The following AVEN variants were observed in gnomAD, a reference collection of about 807,000 sequenced individuals.
AVEN encodes the protein cell death regulator Aven.
In AVEN, 41 loss-of-function variants were observed where a neutral mutation model predicts 38.1. The ratio of observed to expected loss-of-function variants is 1.08; its 90% CI spans 0.84 to 1.40. The LOEUF (loss-of-function observed/expected upper bound fraction) is 1.40, where lower values mean the gene tolerates loss of function less well. AVEN is among the 40% of genes most tolerant of loss of function. The pLI, the probability that AVEN is intolerant of heterozygous loss-of-function variation, is 0.00. For missense variants in AVEN, 605 were observed against 438.8 expected, an observed-to-expected ratio of 1.38 and a Z score of -3.38; for synonymous variants, 206 against 171.8, an observed-to-expected ratio of 1.20 and a Z score of -1.56.
Position 33,873,094 on chromosome 15 carries a change from C to CTTTT in AVEN, c.517-2068_517-2065dup, listed in dbSNP as rs34223352. ...AAAACATATTTCTACTTTTCCTTTT[C>CTTTT]TTTTTTTTTTTTTTTTTTTTTTTTT... On this transcript the variant is annotated intron_variant, in intron 3 of 5. Coordinates refer to ENST00000306730, the MANE Select transcript of AVEN (RefSeq NM_020371.3). Among the ~76,000 whole-genome samples, 315 of 85,152 alleles carry CTTTT rather than the reference C, an allele frequency of 3.7e-3. 3 individuals are homozygous for CTTTT. The highest frequency in any genetic ancestry group is 0.012 in the Middle Eastern group (1 of 84). The allele number at this position is 85,152 out of a possible 152,430, so 55.9% of individuals were successfully genotyped here.
At chr15:33,876,208 CA>C (rs1454193282) in intron 2 of AVEN, among the ~76,000 whole-genome samples, 2 of 152,000 alleles carry the variant, frequency 1.3e-5, no homozygotes, top group Non-Finnish European at 2.9e-5. Context: ...AAATGTAAGG[CA>C]AAAGGACCAA....
At position 33,926,918 on chromosome 15, in the gene AVEN, T is replaced by C. The variant is rs577564802; in HGVS notation, c.446-50923A>G. Among the ~76,000 whole-genome samples, 15 of 152,132 alleles carry C rather than the reference T, an allele frequency of 9.9e-5. No homozygotes were observed. The East Asian group carries it at 2.9e-3, about 29-fold the overall frequency. ...GGTCTGCCTGCCTCAGCCTCCCAAA[T>C]TGCTAGGATTACAGGAGTGAGCCAC... On this transcript the variant is annotated intron_variant, in intron 2 of 5. Transcript: ENST00000306730.
chr15:33,981,149 A>C (rs1896125799), intron 2 of AVEN, among the ~76,000 whole-genome samples: 1 of 152,192 alleles, frequency 6.6e-6, no homozygotes, highest in African/African-American at 2.4e-5. Flanking sequence ...AAAATATCTG[A>C]ATTAAGAAAT....
the AVEN span, chr15:33,853,432 C>A: frequency 8.0e-7 from 1 of 1,243,786 alleles, no homozygotes; most frequent in Non-Finnish European, 1.1e-6. Flanking sequence ...GCATTTTGAA[C>A]TATGTCTTCA....
chr15:34,063,405 C>A lies in AVEN; in HGVS notation n.1154G>T. On this transcript the variant is annotated non_coding_transcript_exon_variant, in exon 5 of 12. Coordinates refer to the AVEN transcript ENST00000675287. This position sits in a 1 kb window ranked among gnomAD's most constrained non-coding sequence, Gnocchi z 4.1. ...GAAGCGAACCAAGGACCTGGCTGACCTCCAGGGTTCTGACTCTGTGACCAA... is the reference window on the plus strand; with the variant it reads ...GAAGCGAACCAAGGACCTGGCTGACATCCAGGGTTCTGACTCTGTGACCAA... 1 of 1,614,046 alleles carries A rather than the reference C, an allele frequency of 6.2e-7. No individual in the cohort carries two copies. The highest frequency in any genetic ancestry group is 8.5e-7 in the Non-Finnish European group (1 of 1,180,052).
chr15:34,070,387 T>C (rs1405520877), intron 2 of AVEN, among the ~76,000 whole-genome samples: 4 of 152,128 alleles, frequency 2.6e-5, no homozygotes, highest in African/African-American at 9.7e-5. Context: ...TTTTTTTTTT[T>C]TAAATCGAAC....
chr15:33,916,298 G>A (rs567173908), intron 2 of AVEN, among the ~76,000 whole-genome samples: 2 of 152,276 alleles, frequency 1.3e-5, no homozygotes, highest in African/African-American at 2.4e-5. Context: ...ACCTCTACTG[G>A]AGCAAGTGCT....
chr15:33,861,660 C>T (rs1051808584), downstream of AVEN, among the ~76,000 whole-genome samples: 9 of 152,174 alleles, frequency 5.9e-5, no homozygotes, highest in Non-Finnish European at 5.9e-5. Flanking sequence ...CCTCCCACTA[C>T]ATCATAATAT....
At position 33,866,519 on chromosome 15, in the gene AVEN, T is replaced by C; in HGVS notation, c.*94A>G. The C allele has an allele frequency of 1.2e-6, 1 of 853,796 alleles. No homozygotes were observed. Among genetic ancestry groups the C allele is most frequent in the Non-Finnish European group, 1.9e-6 (1 of 522,214 alleles). The allele number at this position is 853,796 out of a possible 1,614,324, so 52.9% of individuals were successfully genotyped here. A position where few individuals can be genotyped will look rare whatever the true frequency, so the allele number is the denominator to read the frequency against. On this transcript the variant is annotated 3_prime_UTR_variant, in exon 6 of 6. Transcript: ENST00000306730. ...TAATGGAACACACTAGCTTGAGACA[T>C]GCTTGTAAACTGGCTGGTCCTGAAG...
intron 2 of AVEN, among the ~76,000 whole-genome samples, chr15:33,898,321 T>C (rs1167703714): frequency 1.3e-5 from 2 of 152,192 alleles, no homozygotes; most frequent in Non-Finnish European, 2.9e-5. Context: ...ACACACTATA[T>C]GCGTTTCCTA....
chr15:34,012,122 C>T (rs1254785961), intron 1 of AVEN, among the ~76,000 whole-genome samples: 1 of 152,168 alleles, frequency 6.6e-6, no homozygotes, highest in African/African-American at 2.4e-5. Context: ...TTGCAAGTCC[C>T]AACTCCCAGG....
At chr15:33,968,561 C>T (rs1028409733) in intron 2 of AVEN, among the ~76,000 whole-genome samples, 4 of 152,054 alleles carry the variant, frequency 2.6e-5, no homozygotes, top group Admixed American at 6.6e-5. Context: ...TGGATTTTTA[C>T]CTCACTATTC....
At chr15:34,043,146 C>A (rs1899546931), upstream of AVEN, among the ~76,000 whole-genome samples, 1 of 151,552 alleles carries the variant, frequency 6.6e-6, no homozygotes, top group Non-Finnish European at 1.5e-5. Flanking sequence ...ACTTGGGAGG[C>A]TGAGGCAGGA....
At chr15:34,025,078 G>C (rs138204310) in intron 1 of AVEN, among the ~76,000 whole-genome samples, 6,312 of 152,014 alleles carry the variant, frequency 0.042, 421 homozygotes, top group African/African-American at 0.14. Context: ...GCTGAGGCAG[G>C]AGAATCGTTT....
chr15:33,877,781 T>C (rs1206784425), intron 2 of AVEN, among the ~76,000 whole-genome samples: 1 of 151,694 alleles, frequency 6.6e-6, no homozygotes, highest in African/African-American at 2.4e-5. Context: ...AAACCCCGTC[T>C]CTACTAAAAA....
At chr15:33,856,402 G>A (rs1215027566), downstream of AVEN, 2 of 152,338 alleles carry the variant, frequency 1.3e-5, no homozygotes, top group Admixed American at 1.3e-4. Context: ...CTTGAGAGAG[G>A]TCAGATGTGC....
chr15:34,015,398 C>A (rs1412953434), intron 1 of AVEN, among the ~76,000 whole-genome samples: 1 of 152,008 alleles, frequency 6.6e-6, no homozygotes, highest in Non-Finnish European at 1.5e-5. Context: ...AGGAGAATAG[C>A]GTGAACCCGG....
chr15:33,877,284 C>T (rs1026592074), intron 2 of AVEN, among the ~76,000 whole-genome samples: 2 of 152,274 alleles, frequency 1.3e-5, no homozygotes. Context: ...TATAAACTAA[C>T]ACCATGGTCA....
chr15:33,933,930 GT>G (rs748636088), intron 2 of AVEN, among the ~76,000 whole-genome samples: 10 of 151,102 alleles, frequency 6.6e-5, no homozygotes, highest in Non-Finnish European at 1.0e-4. Flanking sequence ...CTGCACTCTG[GT>G]TTGGGTGATG....
Sources: allele counts gnomAD v4.1 joint callset (sites outside exome capture counted in the v4.1 genomes callset), GRCh38; gene constraint gnomAD v4.1.1; non-coding constraint Gnocchi (gnomAD v3.1); transcripts MANE v1.5; gene names NCBI Gene and HGNC (gene_info 2026-07-23, HGNC 2026-07-21).